WDR7: variants seen among roughly 807,000 people sequenced by gnomAD.
The protein encoded by WDR7 is WD repeat domain 7.
WDR7 carries 46 observed loss-of-function variants against 169.4 expected under a neutral mutation model. The observed-to-expected ratio is 0.27, with a 90% confidence interval of 0.21 to 0.35. The LOEUF is 0.35. Ranked by LOEUF, WDR7 falls within the 10% of genes least tolerant of loss-of-function variation. The pLI, the probability that WDR7 is intolerant of heterozygous loss-of-function variation, is 1.00. For synonymous variants in WDR7, 612 were observed against 666.8 expected (o/e 0.92, Z 1.27); for missense variants, 1,534 against 1,859.3 (o/e 0.83, Z 3.22).
intron 20 of WDR7, among the ~76,000 whole-genome samples, chr18:56,843,857 C>CTT (rs776575088): frequency 6.7e-5 from 9 of 134,328 alleles, no homozygotes; most frequent in Non-Finnish European, 1.1e-4. Flanking sequence ...TTTTTTCTTT[C>CTT]TTTTTTTTTT....
intron 26 of WDR7, among the ~76,000 whole-genome samples, chr18:56,991,086 G>A (rs2047806987): frequency 6.6e-6 from 1 of 150,940 alleles, no homozygotes; most frequent in East Asian, 1.9e-4. Context: ...TCTCAGCTTT[G>A]GACACAACTT....
intron 21 of WDR7, among the ~76,000 whole-genome samples, chr18:56,911,844 T>G (rs1012590012): frequency 2.0e-5 from 3 of 152,270 alleles, no homozygotes; most frequent in Non-Finnish European, 1.5e-5. Flanking sequence ...ATACTTCTTT[T>G]CAGTTTCTTG....
intron 20 of WDR7, among the ~76,000 whole-genome samples, chr18:56,877,348 C>A (rs1393311756): frequency 2.0e-5 from 3 of 152,084 alleles, no homozygotes; most frequent in Non-Finnish European, 4.4e-5. Flanking sequence ...CTTTTGCCAC[C>A]ATATCCTACC....
chr18:56,998,426 C>T (rs1324761504), intron 26 of WDR7, among the ~76,000 whole-genome samples: 1 of 152,152 alleles, frequency 6.6e-6, no homozygotes, highest in Non-Finnish European at 1.5e-5. Context: ...CTTCCTAAAA[C>T]ATGGGAGTCG....
In WDR7 at chr18:56,862,911, A is replaced by C. The variant is rs180746572; in HGVS notation, c.3305-17033A>C. On this transcript the variant is annotated intron_variant, in intron 20 of 27. Transcript: ENST00000254442. ...CAGGATAAGTTGCAACTTAGTTTCA[A>C]AATGACTATAATTTAGAATAGTGTG... Among the ~76,000 whole-genome samples, 25 of 151,984 alleles carry C rather than the reference A, an allele frequency of 1.6e-4. 1 individual carries two copies. The East Asian group carries it at 4.6e-3, about 28-fold the overall frequency.
chr18:56,739,195 A>AT (rs1303878200), intron 14 of WDR7, among the ~76,000 whole-genome samples: 1 of 151,146 alleles, frequency 6.6e-6, no homozygotes, highest in African/African-American at 2.4e-5. Context: ...GTTTATTTCT[A>AT]TTTTTTCTTG....
At chr18:57,005,597 G>C (rs1326136446) in intron 26 of WDR7, among the ~76,000 whole-genome samples, 2 of 152,076 alleles carry the variant, frequency 1.3e-5, no homozygotes, top group Non-Finnish European at 2.9e-5. Context: ...GTATATTTGG[G>C]TAGGGTTTTC....
At chr18:56,666,118 G>C (rs2025015258) in intron 1 of WDR7, among the ~76,000 whole-genome samples, 1 of 151,602 alleles carries the variant, frequency 6.6e-6, no homozygotes. Flanking sequence ...TCTCTCACCA[G>C]TTGGGTCCTT....
intron 6 of WDR7, 131 bp downstream of exon 6, chr18:56,686,163 T>A: frequency 1.4e-6 from 1 of 701,656 alleles, no homozygotes; most frequent in Non-Finnish European, 2.2e-6. Context: ...AATTTTCTTA[T>A]AGGCATAGTA....
chr18:56,792,765 A>AACACACAC (rs10551903), intron 19 of WDR7, among the ~76,000 whole-genome samples: 197 of 147,772 alleles, frequency 1.3e-3, no homozygotes, highest in African/African-American at 4.4e-3. Context: ...TATTTTCTTT[A>AACACACAC]ACACACACAC....
At chr18:56,945,366 T>C (rs1489624207) in intron 25 of WDR7, among the ~76,000 whole-genome samples, 1 of 152,184 alleles carries the variant, frequency 6.6e-6, no homozygotes, top group Non-Finnish European at 1.5e-5. Context: ...ATCTATCCTA[T>C]GAACAGTGTG....
intron 27 of WDR7, among the ~76,000 whole-genome samples, chr18:57,022,951 TCC>T (rs1368259562): frequency 1.1e-4 from 16 of 152,194 alleles, no homozygotes; most frequent in Admixed American, 1.0e-3. Context: ...GCTCACCTAC[TCC>T]AAGGGCTGCT....
At chr18:56,886,478 A>G (rs1393778434) in intron 21 of WDR7, among the ~76,000 whole-genome samples, 2 of 152,238 alleles carry the variant, frequency 1.3e-5, no homozygotes, top group Non-Finnish European at 1.5e-5. Context: ...AACTGCTAAA[A>G]GGTCTAAATC....
intron 20 of WDR7, among the ~76,000 whole-genome samples, chr18:56,853,064 ATATCT>A (rs961223283): frequency 6.6e-6 from 1 of 152,220 alleles, no homozygotes; most frequent in Admixed American, 6.5e-5. Context: ...AATACGAAAA[ATATCT>A]TGAAGATTTT....
intron 20 of WDR7, among the ~76,000 whole-genome samples, chr18:56,837,583 G>A (rs1162727754): frequency 6.6e-6 from 1 of 152,186 alleles, no homozygotes; most frequent in East Asian, 1.9e-4. Flanking sequence ...TTGGGAATTA[G>A]TTGAGATATT....
intron 22 of WDR7, among the ~76,000 whole-genome samples, chr18:56,927,213 T>A (rs1261189193): frequency 2.0e-5 from 3 of 152,178 alleles, no homozygotes; most frequent in African/African-American, 7.2e-5. Context: ...ACACATATCA[T>A]GGCAGAGTTC....
chr18:56,837,895 G>A (rs1256584568), intron 20 of WDR7, among the ~76,000 whole-genome samples: 4 of 152,064 alleles, frequency 2.6e-5, no homozygotes, highest in Non-Finnish European at 5.9e-5. Flanking sequence ...TCTGACTTCA[G>A]GTGAGCCACC....
intron 13 of WDR7, among the ~76,000 whole-genome samples, chr18:56,730,745 G>A (rs902747842): frequency 9.9e-5 from 15 of 152,002 alleles, no homozygotes; most frequent in Non-Finnish European, 1.8e-4. Context: ...CAGCCTGGGC[G>A]ACAGAGCGAG....
At chr18:56,955,684 T>A (rs966292013) in intron 25 of WDR7, among the ~76,000 whole-genome samples, 2 of 151,994 alleles carry the variant, frequency 1.3e-5, no homozygotes, top group Non-Finnish European at 2.9e-5. Flanking sequence ...ATGATGATGA[T>A]GATGATGATA....
Sources: allele counts gnomAD v4.1 joint callset (sites outside exome capture counted in the v4.1 genomes callset), GRCh38; gene constraint gnomAD v4.1.1; transcripts MANE v1.5; gene names NCBI Gene and HGNC (gene_info 2026-07-23, HGNC 2026-07-21).